CSMD1: variants seen among roughly 807,000 people sequenced by gnomAD.
CSMD1 encodes the protein CUB and sushi domain-containing protein 1.
In CSMD1, 213 loss-of-function variants were observed where a neutral mutation model predicts 417.5. The observed-to-expected ratio is 0.51, with a 90% CI of 0.46 to 0.57. The LOEUF (loss-of-function observed/expected upper bound fraction) is 0.57. CSMD1 is among the 20% of genes least tolerant of loss of function. The pLI is 0.00. For missense variants in CSMD1, 6,923 were observed against 4,529.7 expected (o/e 1.53, Z -15.17); for synonymous variants, 2,862 against 1,736.8 (o/e 1.65, Z -16.11).
At chr8:4,741,101 G>T (rs1415789391) in intron 1 of CSMD1, among the ~76,000 whole-genome samples, 1 of 152,082 alleles carries the variant, frequency 6.6e-6, no homozygotes, top group East Asian at 1.9e-4. Flanking sequence ...TGGCTCACAA[G>T]ATCCATCCTA....
intron 7 of CSMD1, among the ~76,000 whole-genome samples, chr8:3,639,695 C>A (rs962575923): frequency 3.3e-5 from 5 of 152,316 alleles, no homozygotes; most frequent in South Asian, 4.1e-4. Context: ...TAAGGCACTA[C>A]GTAAACATCA....
At chr8:4,704,390 G>T (rs773324934) in intron 1 of CSMD1, among the ~76,000 whole-genome samples, 2 of 152,188 alleles carry the variant, frequency 1.3e-5, no homozygotes, top group Non-Finnish European at 2.9e-5. Context: ...AATCTCAGTT[G>T]TTTATTTACT....
At chr8:3,286,301 C>T (rs901020909) in intron 25 of CSMD1, among the ~76,000 whole-genome samples, 1 of 152,106 alleles carries the variant, frequency 6.6e-6, no homozygotes, top group Non-Finnish European at 1.5e-5. Flanking sequence ...GTGCATGTGT[C>T]TTTATAGCAG....
rs149631238 is a variant in CSMD1 at position 4,545,432 on chromosome 8, T to A, written c.302+91910A>T. On this transcript the variant is annotated intron_variant, in intron 2 of 69. Transcript: ENST00000635120. ...CCTTGATTAATAAGAGTCCTACATA[T>A]TAGGAGAGAGGTAAAAATAGGAAGG... is the stretch of plus-strand genomic sequence containing the variant. Among the ~76,000 whole-genome samples the A allele has an allele frequency of 1.1e-4, 17 of 152,262 alleles. No homozygotes were observed. In the East Asian group the frequency reaches 2.7e-3, roughly 24 times the overall value.
At chr8:3,621,963 GTCTCTC>G (rs369112174) in intron 7 of CSMD1, among the ~76,000 whole-genome samples, 1 of 145,820 alleles carries the variant, frequency 6.9e-6, no homozygotes, top group Non-Finnish European at 1.5e-5. Context: ...TCTGTCTTAT[GTCTCTC>G]TCTCTCTTTG....
intron 5 of CSMD1, among the ~76,000 whole-genome samples, chr8:3,977,102 A>G (rs1028475347): frequency 6.6e-6 from 1 of 152,050 alleles, no homozygotes; most frequent in Non-Finnish European, 1.5e-5. Flanking sequence ...CTTTCATCTT[A>G]ATTTCTGCAT....
At chr8:4,739,942 G>C (rs1444674416) in intron 1 of CSMD1, among the ~76,000 whole-genome samples, 8 of 152,088 alleles carry the variant, frequency 5.3e-5, no homozygotes, top group Non-Finnish European at 1.2e-4. Context: ...AGCAACTTAA[G>C]CTCCATAGTC....
At chr8:3,625,609 T>G (rs1037079209) in intron 7 of CSMD1, among the ~76,000 whole-genome samples, 4 of 152,142 alleles carry the variant, frequency 2.6e-5, no homozygotes, top group African/African-American at 9.7e-5. Flanking sequence ...AAAAATACAT[T>G]TCAGCTTCTA....
chr8:3,813,912 C>G (rs1481703), intron 5 of CSMD1, among the ~76,000 whole-genome samples: 50,037 of 152,122 alleles, frequency 0.33, 8,737 homozygotes, highest in Admixed American at 0.39. Context: ...ACTCTTCTTA[C>G]TTGTTAAGTC....
At chr8:4,922,192 G>A (rs555548132) in intron 1 of CSMD1, among the ~76,000 whole-genome samples, 5 of 152,152 alleles carry the variant, frequency 3.3e-5, no homozygotes, top group African/African-American at 7.2e-5. Flanking sequence ...GTGTGTGCGA[G>A]TGTGTGCGTG....
intron 1 of CSMD1, among the ~76,000 whole-genome samples, chr8:4,676,594 C>T (rs536946213): frequency 2.7e-4 from 41 of 152,278 alleles, no homozygotes; most frequent in South Asian, 8.3e-4. Flanking sequence ...CACCCTTTAA[C>T]GGACTTCTTA....
chr8:3,880,923 G>C (rs1007345251), intron 5 of CSMD1, among the ~76,000 whole-genome samples: 7 of 152,062 alleles, frequency 4.6e-5, no homozygotes, highest in Non-Finnish European at 1.5e-5. Flanking sequence ...TATTTACCAA[G>C]TATTACATTG....
chr8:3,071,349 C>G (rs1272585131), intron 49 of CSMD1, among the ~76,000 whole-genome samples: 2 of 152,036 alleles, frequency 1.3e-5, no homozygotes, highest in African/African-American at 2.4e-5. Flanking sequence ...CGGGGCCCAT[C>G]ACGGGGTGGG....
At chr8:4,291,943 C>A (rs1033161575) in intron 3 of CSMD1, among the ~76,000 whole-genome samples, 3 of 152,148 alleles carry the variant, frequency 2.0e-5, no homozygotes, top group African/African-American at 7.2e-5. Flanking sequence ...AAAAAGCAGG[C>A]AGGGAGCCTG....
At chr8:2,979,400 G>A (rs957799866) in intron 54 of CSMD1, among the ~76,000 whole-genome samples, 1 of 152,198 alleles carries the variant, frequency 6.6e-6, no homozygotes, top group East Asian at 1.9e-4. Flanking sequence ...TGCGGCATGC[G>A]GGACATGCTG....
At chr8:4,306,825 T>C (rs1019126418) in intron 3 of CSMD1, among the ~76,000 whole-genome samples, 2 of 96,480 alleles carry the variant, frequency 2.1e-5, no homozygotes, top group East Asian at 7.2e-4. Flanking sequence ...ATCCCTAACA[T>C]CTCCAGATTT....
chr8:3,358,903 G>C (rs1340056465), intron 21 of CSMD1, among the ~76,000 whole-genome samples: 1 of 151,802 alleles, frequency 6.6e-6, no homozygotes, highest in African/African-American at 2.4e-5. Context: ...CTTGACACAT[G>C]CTTTGGTTTC....
At chr8:4,134,725 A>C (rs1291272500) in intron 3 of CSMD1, among the ~76,000 whole-genome samples, 2 of 152,140 alleles carry the variant, frequency 1.3e-5, no homozygotes, top group Non-Finnish European at 2.9e-5. Context: ...TCTTACTACA[A>C]GAGTCTCCTC....
intron 26 of CSMD1, among the ~76,000 whole-genome samples, chr8:3,248,801 T>G (rs1800066826): frequency 1.3e-5 from 2 of 152,088 alleles, no homozygotes; most frequent in African/African-American, 4.8e-5. Flanking sequence ...TTTACCCTAT[T>G]CTCTTGTTCA....
Sources: allele counts gnomAD v4.1 joint callset (sites outside exome capture counted in the v4.1 genomes callset), GRCh38; gene constraint gnomAD v4.1.1; transcripts MANE v1.5; gene names NCBI Gene and HGNC (gene_info 2026-07-23, HGNC 2026-07-21).